The following SCARA3 variants were observed in gnomAD, a reference collection of about 807,000 sequenced individuals.
The protein encoded by SCARA3 is cellular stress response gene protein.
In SCARA3, 39 loss-of-function variants were observed where a neutral mutation model predicts 47.0. The ratio of observed to expected loss-of-function variants is 0.83; its 90% CI spans 0.64 to 1.08. SCARA3 has a LOEUF of 1.08. Ranked by LOEUF, SCARA3 falls within the 50% of genes least tolerant of loss-of-function variation. SCARA3 has a pLI of 0.00. For synonymous variants in SCARA3, 356 were observed against 334.1 expected (o/e 1.07, Z -0.71); for missense variants, 724 against 792.3 (o/e 0.91, Z 1.04).
the SCARA3 span, among the ~76,000 whole-genome samples, chr8:27,732,768 C>T: frequency 0.43 from 66,067 of 152,050 alleles, 14,622 homozygotes; most frequent in East Asian, 0.63. Context: ...GAAATGCAAA[C>T]CAAATGTGCT....
In SCARA3 at chr8:27,651,664, G is replaced by T. The variant is rs201845063; in HGVS notation, c.226+37G>T. On this transcript the variant is annotated intron_variant, in intron 3 of 5. Coordinates refer to ENST00000301904, the MANE Select transcript of SCARA3 (RefSeq NM_016240.3). ...GCTTTCCCACCCCGGGCTGCAGGGGGGTGTCTGATCAGGGATCCAGCACCA... is the reference window on the plus strand; with the variant it reads ...GCTTTCCCACCCCGGGCTGCAGGGGTGTGTCTGATCAGGGATCCAGCACCA... 1.5e-5 allele frequency: 24 copies of T among 1,609,358 alleles called. 1 individual carries two copies. Among genetic ancestry groups the T allele is most frequent in the South Asian group, 1.1e-4 (10 of 90,742 alleles).
chr8:27,650,859 G>A (rs1191248010), intron 2 of SCARA3, among the ~76,000 whole-genome samples: 7 of 152,202 alleles, frequency 4.6e-5, no homozygotes, highest in African/African-American at 1.7e-4. Context: ...GGGACTGAGG[G>A]GATTCCCAGG....
the SCARA3 span, among the ~76,000 whole-genome samples, chr8:27,705,813 G>A: frequency 6.6e-6 from 1 of 152,220 alleles, no homozygotes. Context: ...AAGGATAGGA[G>A]TATAAACTAG....
At chr8:27,663,737 T>C (rs1801960180) in intron 5 of SCARA3, among the ~76,000 whole-genome samples, 1 of 152,074 alleles carries the variant, frequency 6.6e-6, no homozygotes, top group Non-Finnish European at 1.5e-5. Flanking sequence ...TACAGGGGCC[T>C]GCCAAGGGCT....
At chr8:27,638,019 T>C (rs1029625003) in intron 1 of SCARA3, among the ~76,000 whole-genome samples, 4 of 152,018 alleles carry the variant, frequency 2.6e-5, no homozygotes, top group African/African-American at 4.8e-5. Flanking sequence ...GGCTCAGATG[T>C]TGGAGTTCGG....
rs1340748736 is a variant in SCARA3, at chr8:27,659,884, G to A, written c.1369+345G>A. 1.1e-3 allele frequency among the ~76,000 whole-genome samples: 142 copies of A among 128,166 alleles called. 1 individual carries two copies. The highest frequency in any genetic ancestry group is 3.6e-3 in the African/African-American group (129 of 35,440). The allele number at this position is 128,166 out of a possible 152,430, so 84.1% of individuals were successfully genotyped here. On this transcript the variant is annotated intron_variant, in intron 5 of 5. Coordinates refer to ENST00000301904, the MANE Select transcript of SCARA3 (RefSeq NM_016240.3). ...AAAAAAAAAAAAAAAAAAAGAGAGA[G>A]AGAGAGAAAAGAAAAAAGGAAAAGA...
In SCARA3 at chr8:27,656,956, C is replaced by A. The variant is rs112573794; in HGVS notation, c.325+76C>A. The A allele has an allele frequency of 5.7e-5, 52 of 918,460 alleles. 1 individual carries two copies. The African/African-American group carries it at 7.2e-4, about 13-fold the overall frequency. The allele number at this position is 918,460 out of a possible 1,614,324, so 56.9% of individuals were successfully genotyped here. On this transcript the variant is annotated intron_variant, in intron 4 of 5. Coordinates refer to ENST00000301904, the MANE Select transcript of SCARA3 (RefSeq NM_016240.3). ...GGGGTGCCCTCCCCACGCTACAGTGCCCCAGCACCAAGCAACCTTCACCAG... is the reference window on the plus strand; with the variant it reads ...GGGGTGCCCTCCCCACGCTACAGTGACCCAGCACCAAGCAACCTTCACCAG...
the SCARA3 span, among the ~76,000 whole-genome samples, chr8:27,713,224 G>C: frequency 2.0e-5 from 3 of 152,358 alleles, no homozygotes; most frequent in Middle Eastern, 0.01. Context: ...TCATAGGGCA[G>C]CCACTTTGTG....
the SCARA3 span, among the ~76,000 whole-genome samples, chr8:27,709,070 G>A: frequency 2.6e-5 from 4 of 152,166 alleles, no homozygotes; most frequent in African/African-American, 9.7e-5. Context: ...ATATGTCCTC[G>A]AGAAATGTTG....
At chr8:27,647,814 T>C (rs1192627831) in intron 1 of SCARA3, among the ~76,000 whole-genome samples, 1 of 152,206 alleles carries the variant, frequency 6.6e-6, no homozygotes, top group Non-Finnish European at 1.5e-5. Context: ...ATTTTTAATT[T>C]GGGGTCACCC....
the SCARA3 span, among the ~76,000 whole-genome samples, chr8:27,682,833 G>A: frequency 4.2e-4 from 64 of 151,976 alleles, 1 homozygote; most frequent in Non-Finnish European, 7.9e-4. Context: ...CTTTTCACAG[G>A]TATTGATAGA....
chr8:27,726,216 G>C, the SCARA3 span, among the ~76,000 whole-genome samples: 1 of 151,754 alleles, frequency 6.6e-6, no homozygotes, highest in Non-Finnish European at 1.5e-5. Flanking sequence ...AGACCAGCCT[G>C]GGTGACATAG....
the SCARA3 span, among the ~76,000 whole-genome samples, chr8:27,717,218 T>C: frequency 6.6e-6 from 1 of 152,202 alleles, no homozygotes; most frequent in Admixed American, 6.5e-5. Context: ...TGAAGTTCTT[T>C]GCAAATTTCC....
chr8:27,716,039 C>T, the SCARA3 span, among the ~76,000 whole-genome samples: 1 of 152,158 alleles, frequency 6.6e-6, no homozygotes, highest in Non-Finnish European at 1.5e-5. Context: ...GGTGCAGTGG[C>T]TCATGCCTGT....
downstream of SCARA3, among the ~76,000 whole-genome samples, chr8:27,677,371 G>A (rs978521294): frequency 8.5e-5 from 13 of 152,326 alleles, no homozygotes; most frequent in South Asian, 2.7e-3. Flanking sequence ...CACAGAAGGA[G>A]CTCAGATATC....
chr8:27,715,817 A>AGATAGAT, the SCARA3 span, among the ~76,000 whole-genome samples: 1 of 140,558 alleles, frequency 7.1e-6, no homozygotes, highest in Admixed American at 7.3e-5. The surrounding 1 kb of genome is among the most constrained non-coding windows in gnomAD (Gnocchi z 4.2). Flanking sequence ...ATAGATAGAT[A>AGATAGAT]GATAGATGAT....
chr8:27,720,156 G>A, the SCARA3 span, among the ~76,000 whole-genome samples: 2 of 151,508 alleles, frequency 1.3e-5, no homozygotes, highest in African/African-American at 4.8e-5. Flanking sequence ...CTTCAAGGCT[G>A]GGTGCTCGAA....
intron 5 of SCARA3, among the ~76,000 whole-genome samples, chr8:27,665,682 T>C (rs1205530433): frequency 1.3e-5 from 2 of 152,220 alleles, no homozygotes; most frequent in African/African-American, 4.8e-5. Flanking sequence ...AGCTTTGAAC[T>C]CAGTTTCTTC....
chr8:27,724,376 A>G, the SCARA3 span, among the ~76,000 whole-genome samples: 1 of 152,170 alleles, frequency 6.6e-6, no homozygotes, highest in South Asian at 2.1e-4. Context: ...AAAACTGGTC[A>G]AGTGTGGCCG....
Sources: gnomAD v4.1 joint callset for allele counts (sites outside exome capture counted in the v4.1 genomes callset) on GRCh38, gnomAD v4.1.1 for gene constraint, Gnocchi (gnomAD v3.1) non-coding constraint, MANE v1.5 for transcripts, NCBI Gene and HGNC (gene_info 2026-07-23, HGNC 2026-07-21) for gene names.